The following SDF4 variants were observed in gnomAD, a reference collection of about 807,000 sequenced individuals.
SDF4 encodes the protein 45 kDa calcium-binding protein.
In SDF4, 22 loss-of-function variants were observed where a neutral mutation model predicts 34.2. The ratio of observed to expected loss-of-function variants is 0.64; its 90% CI spans 0.46 to 0.92. The LOEUF (loss-of-function observed/expected upper bound fraction) is 0.92. SDF4 is among the 40% of genes least tolerant of loss of function. The pLI, the probability that SDF4 is intolerant of heterozygous loss-of-function variation, is 0.00. For missense variants in SDF4, 447 were observed against 499.9 expected (o/e 0.89, Z 1.01); for synonymous variants, 236 against 203.1 (o/e 1.16, Z -1.38).
In SDF4 at chr1:1,218,864, A is replaced by T; in HGVS notation, c.620T>A (p.Leu207Gln). The change falls in exon 5 of 7, where the codon CTG becomes CAG. Residue 207 changes from leucine to glutamine, a missense_variant. Coordinates refer to ENST00000360001, the MANE Select transcript of SDF4 (RefSeq NM_016176.6). This position sits in a 1 kb window ranked among gnomAD's most constrained non-coding sequence, Gnocchi z 7.9. ...WYQADSPPAD[L>Q]LLTEEEFLSF... is the part of the protein sequence containing the mutation. The stretch of plus-strand genomic sequence containing the variant: ...CAGGAACTCCTCCTCCGTCAGCAGC[A>T]GGTCTGCAGGGGGGCTGTCCGCCTG... 1 of 1,597,396 alleles carries T rather than the reference A, an allele frequency of 6.3e-7. No homozygotes were observed. Among genetic ancestry groups the T allele is most frequent in the Middle Eastern group, 1.7e-4 (1 of 6,016 alleles).
intron 4 of SDF4, chr1:1,221,034 C>T (rs923613541): frequency 5.8e-6 from 2 of 343,008 alleles, no homozygotes; most frequent in Non-Finnish European, 5.8e-6. Context: ...GCAGGCAGAT[C>T]CCTTTAGCCC....
Position 1,218,729 on chromosome 1 carries a change from C to T in SDF4, c.715+40G>A. On this transcript the variant is annotated intron_variant, in intron 5 of 6. Coordinates refer to ENST00000360001, the MANE Select transcript of SDF4 (RefSeq NM_016176.6). The surrounding 1 kb of genome is among the most constrained non-coding windows in gnomAD (Gnocchi z 7.9). The stretch of plus-strand genomic sequence containing the variant: ...GATGCCCGGCCCCTGCCAGTCGGTC[C>T]TGGGTCCTGGCGTGCCGGCCAGGCT... The T allele has an allele frequency of 6.2e-7, 1 of 1,612,044 alleles. No homozygotes were observed. Among genetic ancestry groups the T allele is most frequent in the Admixed American group, 1.7e-5 (1 of 59,986 alleles).
rs768933536 is a variant in SDF4 at position 1,228,515 on chromosome 1, G to A, written c.258C>T (p.Asp86=). ...TCCTCCGGCTCCGCCGCGGCTCCGC[G>A]TCCTCATCAAAGCCACCCAGGTCCT... is the stretch of plus-strand genomic sequence containing the variant. The part of the protein sequence containing the change: ...LGKDLGGFDE[D]AEPRRSRRKL... The change falls in exon 2 of 7, where the codon GAC becomes GAT. Residue 86 remains aspartate, a synonymous_variant. Transcript: ENST00000360001. The A allele has an allele frequency of 1.1e-5, 18 of 1,612,252 alleles. No homozygotes were observed. Among genetic ancestry groups the A allele is most frequent in the East Asian group, 8.9e-5 (4 of 44,878 alleles).
rs890917066 is a variant in SDF4 at position 1,220,315 on chromosome 1, G to T, written c.557-1388C>A. 4.2e-5 allele frequency: 46 copies of T among 1,100,850 alleles called. No homozygotes were observed. In the African/African-American group the frequency reaches 7.2e-4, roughly 17 times the overall value. 68.2% of individuals were successfully genotyped at this position (1,100,850 alleles called of 1,614,324 possible). A position where few individuals can be genotyped will look rare whatever the true frequency, so the allele number is the denominator to read the frequency against. ...AGAGAGAGGCAGCGATGGAGGCGGG[G>T]GAAGGGAGTGATGCCCGCCTGCCAC... On this transcript the variant is annotated intron_variant, in intron 4 of 6. Transcript: ENST00000360001.
intron 4 of SDF4, chr1:1,220,515 G>A: frequency 8.3e-7 from 1 of 1,207,368 alleles, no homozygotes; most frequent in Non-Finnish European, 1.1e-6. Flanking sequence ...TCCTGAGCCA[G>A]AAACCAAATA....
At position 1,217,777 on chromosome 1, in the gene SDF4, T is replaced by G. The variant is rs576116710; in HGVS notation, c.892-89A>C. 6.3e-7 allele frequency: 1 copy of G among 1,597,760 alleles called. No homozygotes were observed. Among genetic ancestry groups the G allele is most frequent in the Non-Finnish European group, 8.5e-7 (1 of 1,173,416 alleles). ...ACGAAGTGGCTATTTAAGGTGCCTATTGGCTGCAGCGGGAGTGTGGGCACG... is the reference window on the plus strand; with the variant it reads ...ACGAAGTGGCTATTTAAGGTGCCTAGTGGCTGCAGCGGGAGTGTGGGCACG... On this transcript the variant is annotated intron_variant, in intron 6 of 6. Transcript: ENST00000360001. This position sits in a 1 kb window ranked among gnomAD's most constrained non-coding sequence, Gnocchi z 8.5.
At chr1:1,229,194 TTTTC>T (rs1236312304) in intron 1 of SDF4, among the ~76,000 whole-genome samples, 1 of 152,172 alleles carries the variant, frequency 6.6e-6, no homozygotes, top group Non-Finnish European at 1.5e-5. Flanking sequence ...CGTGGTGTTT[TTTTC>T]TTTATTTTTA....
intron 4 of SDF4, chr1:1,220,879 G>A (rs1649910063): frequency 1.5e-6 from 1 of 677,268 alleles, no homozygotes. Flanking sequence ...AGTCAGGACA[G>A]CAGGGAACGC....
intron 4 of SDF4, chr1:1,219,467 G>A (rs565950342): frequency 1.1e-5 from 11 of 1,001,380 alleles, no homozygotes; most frequent in East Asian, 2.2e-4. Context: ...GCTGACGTGC[G>A]CACGGCGCCG....
At chr1:1,219,022 C>T (rs898301385) in intron 4 of SDF4, 95 bp from the exon 5 acceptor site, 2 of 1,609,676 alleles carry the variant, frequency 1.2e-6, no homozygotes, top group African/African-American at 1.3e-5. Flanking sequence ...TCGAGGGACA[C>T]AGCCACCCGC....
intron 1 of SDF4, among the ~76,000 whole-genome samples, chr1:1,230,476 T>C (rs1452198872): frequency 4.6e-5 from 7 of 151,694 alleles, no homozygotes; most frequent in East Asian, 3.9e-4. Context: ...TTTTTTTTTT[T>C]CTGAGACAGA....
intron 2 of SDF4, among the ~76,000 whole-genome samples, chr1:1,224,543 G>A (rs1023557475): frequency 5.3e-5 from 8 of 152,148 alleles, no homozygotes; most frequent in African/African-American, 1.9e-4. Context: ...GCCTCCCAAC[G>A]TGCTAGGATT....
chr1:1,221,128 G>A (rs890555242), intron 4 of SDF4: 22 of 267,178 alleles, frequency 8.2e-5, no homozygotes, highest in South Asian at 2.0e-4. Flanking sequence ...GATTTAGAAC[G>A]GACAGGACCA....
Position 1,224,991 on chromosome 1 carries a change from T to C in SDF4, c.306-1023A>G, listed in dbSNP as rs114757647. Among the ~76,000 whole-genome samples, 197 of 152,096 alleles carry C rather than the reference T, an allele frequency of 1.3e-3. 2 individuals carry two copies. Among genetic ancestry groups the C allele is most frequent in the African/African-American group, 4.4e-3 (184 of 41,476 alleles). ...AGAAGACCGTGTGGGGACTTAACATTGTGTGCAAGGATGGAAGAGACCACA... is the reference window on the plus strand; with the variant it reads ...AGAAGACCGTGTGGGGACTTAACATCGTGTGCAAGGATGGAAGAGACCACA... On this transcript the variant is annotated intron_variant, in intron 2 of 6. Transcript: ENST00000360001.
At chr1:1,223,199 A>T in intron 4 of SDF4, 45 bp downstream of exon 4, 1 of 1,349,380 alleles carries the variant, frequency 7.4e-7, no homozygotes, top group South Asian at 1.2e-5. Flanking sequence ...GCGCGCACAC[A>T]CAGGATGCCT....
intron 4 of SDF4, chr1:1,219,206 C>CCCA (rs1649748074): frequency 7.9e-7 from 1 of 1,258,076 alleles, no homozygotes; most frequent in African/African-American, 1.7e-5. Context: ...AGCCTGGACC[C>CCCA]CCCCCTGCCC....
rs777218874 is a variant in SDF4, at chr1:1,218,855, G to A, written c.629C>T (p.Thr210Met). Residue 210 changes from threonine to methionine, a missense_variant, in exon 5 of 7, where the codon ACG becomes ATG. Thr to Met is a moderately conservative substitution (Grantham distance 81). Coordinates refer to ENST00000360001, the MANE Select transcript of SDF4 (RefSeq NM_016176.6). This position sits in a 1 kb window ranked among gnomAD's most constrained non-coding sequence, Gnocchi z 7.9. ...ADSPPADLLL[T>M]EEEFLSFLHP... ...GAGGAACGACAGGAACTCCTCCTCC[G>A]TCAGCAGCAGGTCTGCAGGGGGGCT... The A allele has an allele frequency of 2.3e-5, 36 of 1,598,038 alleles. 1 individual carries two copies. The highest frequency in any genetic ancestry group is 4.4e-5 in the South Asian group (4 of 89,894).
At chr1:1,220,239 G>C in intron 4 of SDF4, 1 of 1,027,402 alleles carries the variant, frequency 9.7e-7, no homozygotes, top group Non-Finnish European at 1.2e-6. Context: ...GACCCTCCTG[G>C]ATCAGGGAGA....
Position 1,223,815 on chromosome 1 carries a change from C to T in SDF4, c.442+17G>A, listed in dbSNP as rs1553149996. ...GCCCCGCCCACCGCCCCACCCACCC[C>T]GGCCCAGCCACAGTACCGTCCCCGT... is the stretch of plus-strand genomic sequence containing the variant. On this transcript the variant is annotated intron_variant, in intron 3 of 6. Coordinates refer to ENST00000360001, the MANE Select transcript of SDF4 (RefSeq NM_016176.6). 5.5e-5 allele frequency: 76 copies of T among 1,379,246 alleles called. 1 individual carries two copies. In the South Asian group the frequency reaches 7.6e-4, roughly 14 times the overall value. 85.4% of individuals were successfully genotyped at this position (1,379,246 alleles called of 1,614,324 possible). A position where few individuals can be genotyped will look rare whatever the true frequency, so the allele number is the denominator to read the frequency against.
Sources: gnomAD v4.1 joint callset for allele counts (sites outside exome capture counted in the v4.1 genomes callset) on GRCh38, gnomAD v4.1.1 for gene constraint, Gnocchi (gnomAD v3.1) non-coding constraint, MANE v1.5 for transcripts, NCBI Gene and HGNC (gene_info 2026-07-23, HGNC 2026-07-21) for gene names.